SLC2A13: variants seen among roughly 807,000 people sequenced by gnomAD.
SLC2A13 encodes solute carrier family 2 member 13.
A neutral mutation model predicts 64.4 loss-of-function variants in SLC2A13; 32 were observed. The observed-to-expected ratio is 0.50, with a 90% CI of 0.37 to 0.67. The LOEUF (loss-of-function observed/expected upper bound fraction) is 0.67. SLC2A13 is among the 30% of genes least tolerant of loss of function. SLC2A13 has a pLI of 0.00. For synonymous variants in SLC2A13, 338 were observed against 327.1 expected (o/e 1.03, Z -0.36); for missense variants, 743 against 829.2 (o/e 0.90, Z 1.28).
intron 1 of SLC2A13, among the ~76,000 whole-genome samples, chr12:40,086,069 C>A (rs1001263648): frequency 6.6e-6 from 1 of 152,140 alleles, no homozygotes; most frequent in African/African-American, 2.4e-5. Context: ...GAACTCCTGA[C>A]CTCGTGATCC....
intron 7 of SLC2A13, among the ~76,000 whole-genome samples, chr12:39,776,618 G>A (rs1940789561): frequency 1.3e-5 from 2 of 152,206 alleles, no homozygotes; most frequent in Non-Finnish European, 2.9e-5. Context: ...GAAGGGTCAC[G>A]GAGTTGACAG....
chr12:39,823,902 T>A (rs544493331), intron 7 of SLC2A13, among the ~76,000 whole-genome samples: 1 of 152,360 alleles, frequency 6.6e-6, no homozygotes, highest in South Asian at 2.1e-4. Context: ...TTTGTGTTAA[T>A]GTAAATTGCA....
chr12:40,105,181 A>T lies in SLC2A13; in HGVS notation c.556+72T>A. 6.9e-7 allele frequency: 1 copy of T among 1,439,498 alleles called. No individual in the cohort carries two copies. The highest frequency in any genetic ancestry group is 9.1e-7 in the Non-Finnish European group (1 of 1,101,444). The allele number at this position is 1,439,498 out of a possible 1,614,324, so 89.2% of individuals were successfully genotyped here. ...CCAGACGGGGACCCCGATGGGCAAG[A>T]GGCACGCAACACCCAGGGTCAAGGG... On this transcript the variant is annotated intron_variant, in intron 1 of 9. Transcript: ENST00000280871. This position sits in a 1 kb window ranked among gnomAD's most constrained non-coding sequence, Gnocchi z 4.2.
intron 6 of SLC2A13, among the ~76,000 whole-genome samples, chr12:39,839,780 C>A (rs1415486330): frequency 6.6e-6 from 1 of 152,008 alleles, no homozygotes; most frequent in Non-Finnish European, 1.5e-5. Flanking sequence ...CTCTTTCTTT[C>A]CTTTGTTTCT....
chr12:39,886,140 C>T (rs1320096402), intron 4 of SLC2A13, among the ~76,000 whole-genome samples: 1 of 152,058 alleles, frequency 6.6e-6, no homozygotes, highest in Admixed American at 6.6e-5. Flanking sequence ...TGTTCCTTTT[C>T]CAAATATCAG....
chr12:39,955,183 A>G (rs538636494), intron 3 of SLC2A13, among the ~76,000 whole-genome samples: 2 of 152,334 alleles, frequency 1.3e-5, no homozygotes, highest in Admixed American at 6.5e-5. Context: ...CCTGACCATA[A>G]TGAAATTAAC....
At chr12:39,915,288 C>T (rs998004438) in intron 4 of SLC2A13, among the ~76,000 whole-genome samples, 3 of 151,850 alleles carry the variant, frequency 2.0e-5, no homozygotes, top group Non-Finnish European at 4.4e-5. Flanking sequence ...ATCAAATTTT[C>T]ATAATTACAT....
chr12:40,077,947 C>T (rs977613219), intron 1 of SLC2A13, among the ~76,000 whole-genome samples: 14 of 152,022 alleles, frequency 9.2e-5, no homozygotes, highest in South Asian at 4.2e-4. Context: ...ATTTGGCTCT[C>T]GGCTTCAACG....
Position 39,879,683 on chromosome 12 carries a change from A to G in SLC2A13, c.1035-7722T>C, listed in dbSNP as rs1944293190. ...CCCCCAGTGTATCTTGGAAGTAACT[A>G]ACTTGATTTTTATTTTACAGGCTCA... On this transcript the variant is annotated intron_variant, in intron 4 of 9. Coordinates refer to ENST00000280871, the MANE Select transcript of SLC2A13 (RefSeq NM_052885.4). 2.6e-5 allele frequency among the ~76,000 whole-genome samples: 4 copies of G among 152,268 alleles called. No individual in the cohort carries two copies. In the South Asian group the frequency reaches 8.3e-4, roughly 32 times the overall value.
intron 6 of SLC2A13, among the ~76,000 whole-genome samples, chr12:39,832,579 T>A (rs1376099677): frequency 1.3e-5 from 2 of 152,068 alleles, no homozygotes; most frequent in East Asian, 3.9e-4. Context: ...TTAAATGATC[T>A]TCCTGTGACC....
Position 39,896,083 on chromosome 12 carries a change from CAT to C in SLC2A13, c.1035-24124_1035-24123del, listed in dbSNP as rs145743460. Among the ~76,000 whole-genome samples the C allele has an allele frequency of 2.8e-5, 4 of 145,118 alleles. No homozygotes were observed. In the South Asian group the frequency reaches 8.5e-4, roughly 31 times the overall value. On this transcript the variant is annotated intron_variant, in intron 4 of 9. Coordinates refer to ENST00000280871, the MANE Select transcript of SLC2A13 (RefSeq NM_052885.4). ...GCATACATATATGTATACACGTGTACATATATGTATACACGTGTATACATATA... is the reference window on the plus strand; with the variant it reads ...GCATACATATATGTATACACGTGTACATATGTATACACGTGTATACATATA...
At chr12:39,859,759 TTGGTGA>T (rs990594081) in intron 6 of SLC2A13, among the ~76,000 whole-genome samples, 1 of 152,068 alleles carries the variant, frequency 6.6e-6, no homozygotes, top group Non-Finnish European at 1.5e-5. Context: ...ACTGCTGACC[TTGGTGA>T]TCCGCCTGAC....
At chr12:39,830,575 G>T in intron 6 of SLC2A13, 1 of 763,568 alleles carries the variant, frequency 1.3e-6, no homozygotes, top group Non-Finnish European at 1.6e-6. Context: ...CTGCCTCATT[G>T]TGATCCAGCC....
At chr12:39,998,869 T>C (rs1369670763) in intron 3 of SLC2A13, among the ~76,000 whole-genome samples, 2 of 152,118 alleles carry the variant, frequency 1.3e-5, no homozygotes, top group Non-Finnish European at 2.9e-5. Context: ...CCAAATCTCA[T>C]CTTGAATTCC....
intron 4 of SLC2A13, among the ~76,000 whole-genome samples, chr12:39,901,137 T>A (rs1305922107): frequency 4.6e-5 from 7 of 152,228 alleles, no homozygotes; most frequent in Admixed American, 3.9e-4. Flanking sequence ...GCTAGCCATA[T>A]GTAGAAAGCT....
At chr12:39,972,015 TTTTTTTTTATATAA>T (rs1946662109) in intron 3 of SLC2A13, among the ~76,000 whole-genome samples, 3 of 80,934 alleles carry the variant, frequency 3.7e-5, no homozygotes, top group Non-Finnish European at 6.9e-5. Flanking sequence ...TATATATATA[TTTTTTTTTATATAA>T]ATATATATAT....
chr12:40,105,587 C>G lies in SLC2A13; in HGVS notation c.222G>C (p.Gln74His). Residue 74 changes from glutamine (Q) to histidine (H), a missense_variant, in exon 1 of 10, where the codon CAG becomes CAC. By Grantham distance (24) the Gln-to-His change is conservative (BLOSUM62 0). Around this residue, in one of 2 missense-constraint regions of SLC2A13, gnomAD observed 448 missense variants for 447.4 expected, o/e 1.00. Coordinates refer to ENST00000280871, the MANE Select transcript of SLC2A13 (RefSeq NM_052885.4). The surrounding 1 kb of genome is among the most constrained non-coding windows in gnomAD (Gnocchi z 4.2). ...LERAARRQFQ[Q>H]DETPAFVYVV... ...CGTACACGAAGGCGGGGGTCTCGTCCTGCTGGAACTGCCGCCGCGCCGCGC... is the reference window on the plus strand; with the variant it reads ...CGTACACGAAGGCGGGGGTCTCGTCGTGCTGGAACTGCCGCCGCGCCGCGC... The G allele has an allele frequency of 6.5e-7, 1 of 1,541,616 alleles. No homozygotes were observed.
At chr12:39,845,016 G>A (rs1383543166) in intron 6 of SLC2A13, among the ~76,000 whole-genome samples, 1 of 151,644 alleles carries the variant, frequency 6.6e-6, no homozygotes, top group African/African-American at 2.4e-5. Flanking sequence ...ACTTGATAAA[G>A]TTAAAAATAA....
rs931995302 is a variant in SLC2A13, at chr12:39,805,297, C to T, written c.1445+24806G>A. Among the ~76,000 whole-genome samples the T allele has an allele frequency of 2.6e-5, 4 of 152,296 alleles. No homozygotes were observed. In the East Asian group the frequency reaches 5.8e-4, roughly 22 times the overall value. ...CATTTGAAAAGGGTCAGTGTGGCTG[C>T]TCTGCTTTGCAGGGAGAGGCAGGGG... On this transcript the variant is annotated intron_variant, in intron 7 of 9. Transcript: ENST00000280871.
Sources: gnomAD v4.1 joint callset for allele counts (sites outside exome capture counted in the v4.1 genomes callset) on GRCh38, gnomAD v4.1.1 for gene constraint, gnomAD v4.1.1 regional missense constraint, Gnocchi (gnomAD v3.1) non-coding constraint, MANE v1.5 for transcripts, NCBI Gene and HGNC (gene_info 2026-07-23, HGNC 2026-07-21) for gene names.